Variants in ATL3 observed in about 807,000 individuals in gnomAD.
The protein encoded by ATL3 is atlastin-3.
ATL3 carries 49 observed loss-of-function variants against 69.5 expected under a neutral mutation model. That is an observed-to-expected ratio of 0.71 (90% CI 0.56 to 0.89). The LOEUF (loss-of-function observed/expected upper bound fraction) is 0.89, where lower values mean the gene tolerates loss of function less well. Among genes scored for constraint, ATL3 ranks in the 40% least tolerant of loss-of-function variants. The pLI, the probability that ATL3 is intolerant of heterozygous loss-of-function variation, is 0.00. For missense variants in ATL3, 606 were observed against 645.7 expected, an observed-to-expected ratio of 0.94 and a Z score of 0.67; for synonymous variants, 214 against 224.1, an observed-to-expected ratio of 0.95 and a Z score of 0.40.
chr11:63,659,110 AACC>A lies in ATL3; in HGVS notation c.186_188del (p.Val63del). The stretch of plus-strand genomic sequence containing the variant: ...CCTTTCGGAAGGCACCAGCCACTGA[AACC>A]ACCACCACATCAAGATCTCGGATGT... On this transcript the variant is annotated inframe_deletion, in exon 2 of 13. Coordinates refer to ENST00000398868, the MANE Select transcript of ATL3 (RefSeq NM_015459.5). 1.2e-6 allele frequency: 2 copies of A among 1,614,070 alleles called. No homozygotes were observed. The highest frequency in any genetic ancestry group is 1.7e-6 in the Non-Finnish European group (2 of 1,180,032).
In ATL3 at chr11:63,628,834, CAAAAAAAAAAAAAA is replaced by C. The variant is rs551769719; in HGVS notation, c.*471_*484del. The C allele has an allele frequency of 1.3e-4, 8 of 61,722 alleles. No individual in the cohort carries two copies. Among genetic ancestry groups the C allele is most frequent in the South Asian group, 4.5e-4 (1 of 2,206 alleles). The allele number at this position is 61,722 out of a possible 1,614,324, so 3.8% of individuals were successfully genotyped here. On this transcript the variant is annotated 3_prime_UTR_variant, in exon 13 of 13. Coordinates refer to ENST00000398868, the MANE Select transcript of ATL3 (RefSeq NM_015459.5). ...CTGGTGACAGAGCGAGACTCCAACT[CAAAAAAAAAAAAAA>C]AAAAAAAAAGAATCCTTCTCAAAAG...
At position 63,625,217 on chromosome 11, in the gene ATL3, G is replaced by A. The variant is rs1035045208; in HGVS notation, c.*4102C>T. 2 of 152,100 alleles carry A rather than the reference G, an allele frequency of 1.3e-5. No individual in the cohort carries two copies. Among genetic ancestry groups the A allele is most frequent in the African/African-American group, 4.8e-5 (2 of 41,430 alleles). The allele number at this position is 152,100 out of a possible 1,614,324, so 9.4% of individuals were successfully genotyped here. On this transcript the variant is annotated 3_prime_UTR_variant, in exon 13 of 13. Coordinates refer to ENST00000398868, the MANE Select transcript of ATL3 (RefSeq NM_015459.5). ...ACAAATAGTTTGTACTTTCATAACT[G>A]AAGCTTGTCTTCATTATGCCCTTAT...
At chr11:63,666,380 T>C (rs1201116587) in intron 1 of ATL3, among the ~76,000 whole-genome samples, 1 of 151,758 alleles carries the variant, frequency 6.6e-6, no homozygotes, top group Non-Finnish European at 1.5e-5. Context: ...ATCTCTAACT[T>C]GCATTTAGTC....
rs551973884 is a variant in ATL3 at position 63,660,042 on chromosome 11, TAAATA to T, written c.47-795_47-791del. On this transcript the variant is annotated intron_variant, in intron 1 of 12. Transcript: ENST00000398868. ...CTTAAAGTATAATAATAATAAAAAA[TAAATA>T]AAATAAAATGTTGTTAAAAAAAAAA... 2.6e-3 allele frequency among the ~76,000 whole-genome samples: 372 copies of T among 144,810 alleles called. 1 individual carries two copies. Among genetic ancestry groups the T allele is most frequent in the African/African-American group, 8.3e-3 (326 of 39,188 alleles).
chr11:63,650,776 A>G (rs1213070946), intron 5 of ATL3: 3 of 152,184 alleles, frequency 2.0e-5, no homozygotes, highest in African/African-American at 7.2e-5. Flanking sequence ...GTTGAAAGGA[A>G]GGAGCTTAGA....
chr11:63,637,693 T>C (rs1939565787), intron 8 of ATL3: 3 of 152,326 alleles, frequency 2.0e-5, no homozygotes, highest in African/African-American at 7.2e-5. Context: ...CATAATCTTC[T>C]AACATCTTCC....
intron 3 of ATL3, among the ~76,000 whole-genome samples, chr11:63,658,181 G>C (rs529510527): frequency 1.3e-5 from 2 of 152,216 alleles, no homozygotes; most frequent in African/African-American, 4.8e-5. Context: ...AATTGGTTAA[G>C]AGCACAAAAT....
At position 63,631,211 on chromosome 11, in the gene ATL3, T is replaced by C; in HGVS notation, c.1368A>G (p.Ile456Met). The C allele has an allele frequency of 6.2e-7, 1 of 1,614,206 alleles. No homozygotes were observed. The highest frequency in any genetic ancestry group is 8.5e-7 in the Non-Finnish European group (1 of 1,180,030). ...VLFTGIVALY[I>M]ASGLTGFIGL... ...CTATGAAGCCAGTGAGGCCTGAGGC[T>C]ATGTACAAAGCTACAATGCCCGTGA... Residue 456 changes from isoleucine (I) to methionine (M), a missense_variant, in exon 12 of 13, where the codon ATA (isoleucine) becomes ATG (methionine). By Grantham distance (10) the Ile-to-Met change is conservative (BLOSUM62 1). Coordinates refer to ENST00000398868, the MANE Select transcript of ATL3 (RefSeq NM_015459.5).
upstream of ATL3, chr11:63,671,890 G>A: frequency 2.8e-6 from 1 of 360,352 alleles, no homozygotes; most frequent in South Asian, 3.1e-5. Context: ...CCACCAGTGT[G>A]AGAGACAGCT....
chr11:63,653,392 G>C (rs1008621712), intron 3 of ATL3, among the ~76,000 whole-genome samples: 1 of 151,788 alleles, frequency 6.6e-6, no homozygotes, highest in Non-Finnish European at 1.5e-5. Flanking sequence ...TTGAACCCTG[G>C]AGGCAGAGGT....
At chr11:63,656,264 G>C (rs1407953762) in intron 3 of ATL3, among the ~76,000 whole-genome samples, 2 of 151,132 alleles carry the variant, frequency 1.3e-5, no homozygotes, top group African/African-American at 2.4e-5. Context: ...ATAATAATTT[G>C]CTCAAAAACA....
intron 1 of ATL3, among the ~76,000 whole-genome samples, chr11:63,670,134 G>A (rs1469871116): frequency 6.6e-6 from 1 of 152,028 alleles, no homozygotes; most frequent in African/African-American, 2.4e-5. Context: ...CAATGTGCTG[G>A]ACTACTGCAA....
chr11:63,666,335 G>A (rs1031062195), intron 1 of ATL3, among the ~76,000 whole-genome samples: 4 of 152,086 alleles, frequency 2.6e-5, no homozygotes, highest in East Asian at 1.9e-4. Flanking sequence ...CACCGCGCCC[G>A]GCCTACCCTC....
intron 1 of ATL3, among the ~76,000 whole-genome samples, chr11:63,662,212 CAAA>C (rs1228390912): frequency 2.4e-4 from 20 of 84,738 alleles, no homozygotes; most frequent in Admixed American, 1.8e-3. Flanking sequence ...GACTCTATCT[CAAA>C]AAAAAAAAAA....
upstream of ATL3, chr11:63,671,756 GACGACTGA>G (rs1565287942): frequency 9.1e-6 from 11 of 1,202,766 alleles, no homozygotes; most frequent in Non-Finnish European, 1.2e-5. Flanking sequence ...GTGGTTCTCC[GACGACTGA>G]ACTACAACTC....
At chr11:63,651,751 T>C (rs1239980149) in intron 5 of ATL3, among the ~76,000 whole-genome samples, 185 bp downstream of exon 5, 1 of 152,166 alleles carries the variant, frequency 6.6e-6, no homozygotes, top group Non-Finnish European at 1.5e-5. Context: ...CTCAAATCAT[T>C]AAGGCCTTCC....
At chr11:63,653,689 G>C (rs1395479549) in intron 3 of ATL3, among the ~76,000 whole-genome samples, 1 of 152,206 alleles carries the variant, frequency 6.6e-6, no homozygotes, top group East Asian at 1.9e-4. Context: ...AGACACGAAA[G>C]AGTTGCAGAA....
At chr11:63,661,993 C>T (rs1330122779) in intron 1 of ATL3, among the ~76,000 whole-genome samples, 1 of 151,916 alleles carries the variant, frequency 6.6e-6, no homozygotes, top group Non-Finnish European at 1.5e-5. Flanking sequence ...AGGCGTGTCA[C>T]CTGAGGTCAG....
chr11:63,630,139 G>A (rs1044965196), intron 12 of ATL3, among the ~76,000 whole-genome samples: 2 of 151,704 alleles, frequency 1.3e-5, no homozygotes, highest in Admixed American at 6.6e-5. Context: ...CCGACCAGGC[G>A]CAATAGCTCA....
Sources: allele counts gnomAD v4.1 joint callset (sites outside exome capture counted in the v4.1 genomes callset), GRCh38; gene constraint gnomAD v4.1.1; transcripts MANE v1.5; gene names NCBI Gene and HGNC (gene_info 2026-07-23, HGNC 2026-07-21).